CHRNA7: variants seen among roughly 807,000 people sequenced by gnomAD.
CHRNA7 encodes the protein cholinergic receptor nicotinic alpha 7 subunit.
A neutral mutation model predicts 48.0 loss-of-function variants in CHRNA7; 17 were observed. That is an observed-to-expected ratio of 0.35 (90% confidence interval 0.24 to 0.53). The LOEUF (loss-of-function observed/expected upper bound fraction) is 0.53. Ranked by LOEUF, CHRNA7 falls within the 20% of genes least tolerant of loss-of-function variation. The probability of loss-of-function intolerance (pLI) is 0.92; values close to 1 mark genes in which losing one functional copy is unlikely to be tolerated. For synonymous variants in CHRNA7, 75 were observed against 242.3 expected (o/e 0.31, Z 6.41); for missense variants, 155 against 577.7 (o/e 0.27, Z 7.50).
At chr15:32,111,934 A>T in intron 4 of CHRNA7, 35 bp downstream of exon 4, 2 of 1,171,838 alleles carry the variant, frequency 1.7e-6, no homozygotes, top group Non-Finnish European at 2.6e-6. Context: ...AAATGATTTT[A>T]TGCTTGCATA....
chr15:32,131,224 G>A (rs2051151222), intron 4 of CHRNA7, among the ~76,000 whole-genome samples: 1 of 151,916 alleles, frequency 6.6e-6, no homozygotes, highest in Non-Finnish European at 1.5e-5. Context: ...TATATCTTTT[G>A]CTAAATTTGG....
intron 2 of CHRNA7, among the ~76,000 whole-genome samples, chr15:32,075,065 A>G (rs1454228397): frequency 1.3e-5 from 2 of 152,218 alleles, no homozygotes; most frequent in Admixed American, 1.3e-4. Flanking sequence ...TCCCTGGAAT[A>G]AACCCTGGTT....
At chr15:32,062,193 C>T (rs905061366) in intron 2 of CHRNA7, among the ~76,000 whole-genome samples, 16 of 152,140 alleles carry the variant, frequency 1.1e-4, no homozygotes, top group Non-Finnish European at 2.1e-4. Flanking sequence ...CAATGGAGAA[C>T]CTCACAATAC....
chr15:32,055,755 G>A (rs7181905), intron 2 of CHRNA7, among the ~76,000 whole-genome samples: 40,015 of 151,878 alleles, frequency 0.26, 6,398 homozygotes, highest in East Asian at 0.61. Context: ...CGAGGCGGGC[G>A]GATCACGAGG....
rs913937660 is a variant in CHRNA7 at position 32,149,787 on chromosome 15, A to T, written c.351-4120A>T. 6.6e-6 allele frequency among the ~76,000 whole-genome samples: 1 copy of T among 151,942 alleles called. No individual in the cohort carries two copies. The highest frequency in any genetic ancestry group is 2.4e-5 in the African/African-American group (1 of 41,384). ...TGTTGCTAATAGCAACAGTTTTTTT[A>T]TCTTGTTTTTACCTGTTTGCCTTGT... On this transcript the variant is annotated intron_variant, in intron 4 of 9. Coordinates refer to ENST00000306901, the MANE Select transcript of CHRNA7 (RefSeq NM_000746.6). This position sits in a 1 kb window ranked among gnomAD's most constrained non-coding sequence, Gnocchi z 4.6.
intron 2 of CHRNA7, among the ~76,000 whole-genome samples, chr15:32,089,487 A>G (rs1337163646): frequency 6.6e-6 from 1 of 152,134 alleles, no homozygotes; most frequent in Non-Finnish European, 1.5e-5. Flanking sequence ...TTGACACAAC[A>G]TGTTCAAATT....
chr15:32,055,428 A>G (rs968435153), intron 2 of CHRNA7, among the ~76,000 whole-genome samples: 15 of 152,176 alleles, frequency 9.9e-5, no homozygotes, highest in Non-Finnish European at 1.5e-5. Context: ...AGGTGCCAGT[A>G]TCTGGCATAT....
chr15:32,056,039 CTT>C (rs1333898821), intron 2 of CHRNA7, among the ~76,000 whole-genome samples: 1 of 151,680 alleles, frequency 6.6e-6, no homozygotes, highest in Admixed American at 6.6e-5. Flanking sequence ...ATCTTAGACT[CTT>C]TGGCTTATTG....
At chr15:32,114,751 G>A (rs1190259646) in intron 4 of CHRNA7, among the ~76,000 whole-genome samples, 1 of 152,262 alleles carries the variant, frequency 6.6e-6, no homozygotes, top group Admixed American at 6.5e-5. Flanking sequence ...TCAGAACTGA[G>A]TGACTTAAAG....
chr15:32,043,108 C>T (rs2049477333), intron 2 of CHRNA7, among the ~76,000 whole-genome samples: 1 of 152,142 alleles, frequency 6.6e-6, no homozygotes, highest in Admixed American at 6.5e-5. Context: ...GCAGTATTAA[C>T]AGGCATTGAT....
chr15:32,110,671 C>G (rs2050748275), intron 3 of CHRNA7, among the ~76,000 whole-genome samples: 2 of 152,210 alleles, frequency 1.3e-5, no homozygotes, highest in Non-Finnish European at 2.9e-5. Context: ...CTCAGCAGCT[C>G]TGAAAATTTT....
intron 2 of CHRNA7, among the ~76,000 whole-genome samples, chr15:32,074,637 A>ATTATTATTATTATTAT (rs2050107804): frequency 2.1e-5 from 3 of 141,770 alleles, no homozygotes; most frequent in African/African-American, 7.8e-5. Flanking sequence ...CACATTATTA[A>ATTATTATTATTATTAT]TATTATTATT....
At chr15:32,152,507 G>A (rs1180118509) in intron 4 of CHRNA7, among the ~76,000 whole-genome samples, 9 of 152,316 alleles carry the variant, frequency 5.9e-5, no homozygotes, top group East Asian at 1.9e-4. Flanking sequence ...GCGGGAGGCC[G>A]AGAGAGTGCG....
chr15:32,138,034 A>G (rs769391484), intron 4 of CHRNA7, among the ~76,000 whole-genome samples: 3 of 152,242 alleles, frequency 2.0e-5, no homozygotes, highest in Admixed American at 6.5e-5. Context: ...TCAAGAAGTT[A>G]TAAAATATAA....
At chr15:32,064,022 T>G (rs1198804774) in intron 2 of CHRNA7, among the ~76,000 whole-genome samples, 2 of 152,206 alleles carry the variant, frequency 1.3e-5, no homozygotes, top group Admixed American at 1.3e-4. Context: ...CCCTTACACT[T>G]GATGAATAGT....
chr15:32,049,452 G>A (rs550666603), intron 2 of CHRNA7, among the ~76,000 whole-genome samples: 1 of 152,106 alleles, frequency 6.6e-6, no homozygotes, highest in African/African-American at 2.4e-5. Context: ...TGTTTTATCA[G>A]AGACTAGGAT....
At chr15:32,096,435 G>C (rs144367744) in intron 2 of CHRNA7, among the ~76,000 whole-genome samples, 1 of 152,158 alleles carries the variant, frequency 6.6e-6, no homozygotes, top group African/African-American at 2.4e-5. Flanking sequence ...ACCTCAGTTT[G>C]TTATGCTGTA....
At chr15:32,052,003 A>T in intron 2 of CHRNA7, among the ~76,000 whole-genome samples, 1 of 152,090 alleles carries the variant, frequency 6.6e-6, no homozygotes, top group East Asian at 1.9e-4. Flanking sequence ...TTGAGCTCAA[A>T]ATTTTCCACT....
chr15:32,144,333 G>A (rs1454416375), intron 4 of CHRNA7, among the ~76,000 whole-genome samples: 1 of 152,082 alleles, frequency 6.6e-6, no homozygotes, highest in East Asian at 1.9e-4. Flanking sequence ...TTTTCCCTCT[G>A]GCTGCTGTTA....
Sources: allele counts gnomAD v4.1 joint callset (sites outside exome capture counted in the v4.1 genomes callset), GRCh38; gene constraint gnomAD v4.1.1; non-coding constraint Gnocchi (gnomAD v3.1); transcripts MANE v1.5; gene names NCBI Gene and HGNC (gene_info 2026-07-23, HGNC 2026-07-21).